Variants in KSR2 observed in about 807,000 individuals in gnomAD.
KSR2 encodes kinase suppressor of ras 2.
KSR2 carries 25 observed loss-of-function variants against 107.8 expected under a neutral mutation model. The observed-to-expected ratio is 0.23, with a 90% CI of 0.17 to 0.32. The LOEUF is 0.32. Among genes scored for constraint, KSR2 ranks in the 10% least tolerant of loss-of-function variants. The pLI is 1.00. For synonymous variants in KSR2, 480 were observed against 507.0 expected, an observed-to-expected ratio of 0.95 and a Z score of 0.71; for missense variants, 887 against 1,268.9, an observed-to-expected ratio of 0.70 and a Z score of 4.57.
chr12:117,582,194 T>C, intron 6 of KSR2, 96 bp downstream of exon 6: 2 of 1,013,752 alleles, frequency 2.0e-6, no homozygotes, highest in Non-Finnish European at 3.1e-6. Context: ...TGGAGCTCAA[T>C]AGCCTAGCCT....
chr12:117,874,499 C>G (rs11068708), intron 1 of KSR2, among the ~76,000 whole-genome samples: 30,387 of 152,026 alleles, frequency 0.2, 4,495 homozygotes, highest in East Asian at 0.5. Context: ...TCCTAAAGTG[C>G]TGGAATTACA....
At chr12:117,586,516 G>A (rs1593022049) in intron 5 of KSR2, among the ~76,000 whole-genome samples, 1 of 151,238 alleles carries the variant, frequency 6.6e-6, no homozygotes, top group Non-Finnish European at 1.5e-5. Flanking sequence ...GAACCTGGGA[G>A]GCAGAGGTTG....
At chr12:117,789,893 C>T (rs1366118187) in intron 3 of KSR2, among the ~76,000 whole-genome samples, 1 of 151,390 alleles carries the variant, frequency 6.6e-6, no homozygotes, top group African/African-American at 2.4e-5. Context: ...AAGTATTGTC[C>T]ACACACACAC....
At chr12:117,638,220 A>G (rs1883199154) in intron 5 of KSR2, among the ~76,000 whole-genome samples, 2 of 152,208 alleles carry the variant, frequency 1.3e-5, no homozygotes, top group African/African-American at 4.8e-5. Context: ...GTCTTCCTGC[A>G]TAGACAATAT....
At chr12:117,927,990 A>G (rs983302126) in intron 1 of KSR2, among the ~76,000 whole-genome samples, 46 of 152,076 alleles carry the variant, frequency 3.0e-4, no homozygotes, top group Admixed American at 3.9e-4. Flanking sequence ...ATAACTCGCC[A>G]CTGCCCTCCC....
At chr12:117,504,548 T>C (rs533322460) in intron 14 of KSR2, among the ~76,000 whole-genome samples, 1 of 152,318 alleles carries the variant, frequency 6.6e-6, no homozygotes, top group South Asian at 2.1e-4. Flanking sequence ...CTCTAGCTTC[T>C]ATCTATGAAG....
intron 4 of KSR2, among the ~76,000 whole-genome samples, chr12:117,734,778 A>ATGGATGGATGG (rs1555233152): frequency 1.3e-5 from 2 of 151,924 alleles, no homozygotes; most frequent in Non-Finnish European, 1.5e-5. Flanking sequence ...GGATGGATGG[A>ATGGATGGATGG]AACTAACCAT....
rs34083235 is a variant in KSR2 at position 117,541,250 on chromosome 12, G to A, written c.1519-1363C>T. 1.1e-3 allele frequency among the ~76,000 whole-genome samples: 158 copies of A among 147,636 alleles called. 1 individual carries two copies. Among genetic ancestry groups the A allele is most frequent in the Non-Finnish European group, 2.1e-3 (138 of 67,180 alleles). ...GCATGGGAGGCAGGGAGGCAGGCAG[G>A]GGGGAACAGTAGCTGATGTGGAGGC... On this transcript the variant is annotated intron_variant, in intron 9 of 19. Coordinates refer to ENST00000339824, the MANE Select transcript of KSR2 (RefSeq NM_173598.6).
chr12:117,607,972 G>C (rs1881388360), intron 5 of KSR2, among the ~76,000 whole-genome samples: 1 of 152,190 alleles, frequency 6.6e-6, no homozygotes, highest in Non-Finnish European at 1.5e-5. Flanking sequence ...CTGCAGCCCG[G>C]CCAACAGGAA....
intron 14 of KSR2, among the ~76,000 whole-genome samples, chr12:117,503,400 G>A (rs550842658): frequency 6.6e-6 from 1 of 152,276 alleles, no homozygotes; most frequent in South Asian, 2.1e-4. Context: ...TATGTGACTG[G>A]CCCTGGCCAG....
chr12:117,619,807 T>C (rs1188166037), intron 5 of KSR2, among the ~76,000 whole-genome samples: 1 of 151,984 alleles, frequency 6.6e-6, no homozygotes, highest in Admixed American at 6.6e-5. Flanking sequence ...TGAAGTATGA[T>C]GTACATATAA....
intron 17 of KSR2, 88 bp downstream of exon 17, chr12:117,476,376 C>G (rs1350885574): frequency 2.1e-6 from 3 of 1,456,402 alleles, no homozygotes; most frequent in Non-Finnish European, 2.7e-6. Context: ...ACAGGTACAC[C>G]CTGGCCCTTC....
intron 1 of KSR2, among the ~76,000 whole-genome samples, chr12:117,937,992 A>G (rs1895897197): frequency 6.7e-6 from 1 of 149,810 alleles, no homozygotes; most frequent in Non-Finnish European, 1.5e-5. Context: ...AAAAAAAAAA[A>G]GCCTGAAACA....
chr12:117,508,205 C>G (rs1873818875), intron 14 of KSR2, among the ~76,000 whole-genome samples: 1 of 152,170 alleles, frequency 6.6e-6, no homozygotes, highest in Non-Finnish European at 1.5e-5. Flanking sequence ...TACTGATGCT[C>G]CCCTAGACTT....
chr12:117,840,102 TTTA>T (rs1566042595), intron 3 of KSR2, among the ~76,000 whole-genome samples: 9 of 127,392 alleles, frequency 7.1e-5, no homozygotes, highest in Admixed American at 2.4e-4. Context: ...TTTATTTTAT[TTTA>T]TTTTTTTTTT....
intron 5 of KSR2, among the ~76,000 whole-genome samples, chr12:117,623,736 T>G (rs558647197): frequency 2.0e-5 from 3 of 152,254 alleles, no homozygotes; most frequent in Non-Finnish European, 4.4e-5. Context: ...ATCCTTTGGG[T>G]ATATACCCAG....
intron 14 of KSR2, among the ~76,000 whole-genome samples, chr12:117,522,197 G>A (rs1874796723): frequency 1.3e-5 from 2 of 152,280 alleles, no homozygotes; most frequent in East Asian, 1.9e-4. Flanking sequence ...CTTGCAGGAT[G>A]AGCAACACAT....
intron 5 of KSR2, among the ~76,000 whole-genome samples, chr12:117,656,057 G>A (rs1884139775): frequency 6.6e-6 from 1 of 152,230 alleles, no homozygotes; most frequent in Admixed American, 6.5e-5. Context: ...ATGGGTAGTA[G>A]AAGGTAGTCA....
At chr12:117,544,594 G>T (rs1378371835) in intron 9 of KSR2, among the ~76,000 whole-genome samples, 1 of 151,870 alleles carries the variant, frequency 6.6e-6, no homozygotes, top group Non-Finnish European at 1.5e-5. Context: ...ACTCCAGCCT[G>T]GGTGACAGAA....
Sources: allele counts gnomAD v4.1 joint callset (sites outside exome capture counted in the v4.1 genomes callset), GRCh38; gene constraint gnomAD v4.1.1; transcripts MANE v1.5; gene names NCBI Gene and HGNC (gene_info 2026-07-23, HGNC 2026-07-21).